The following PTPRD variants were observed in gnomAD, a reference collection of about 807,000 sequenced individuals.
PTPRD encodes protein tyrosine phosphatase receptor type D, also known as receptor-type tyrosine-protein phosphatase delta.
In PTPRD, 34 loss-of-function variants were observed where a neutral mutation model predicts 214.5. The observed-to-expected ratio is 0.16, with a 90% CI of 0.12 to 0.21. The LOEUF (loss-of-function observed/expected upper bound fraction) is 0.21. Among genes scored for constraint, PTPRD ranks in the 10% least tolerant of loss-of-function variants. The pLI is 1.00. For missense variants in PTPRD, 2,545 were observed against 2,398.7 expected (o/e 1.06, Z -1.27); for synonymous variants, 1,128 against 845.7 (o/e 1.33, Z -5.79).
chr9:9,774,843 G>C (rs758362917), intron 5 of PTPRD, among the ~76,000 whole-genome samples: 3 of 152,152 alleles, frequency 2.0e-5, no homozygotes, highest in African/African-American at 4.8e-5. Context: ...AGGGTTAATC[G>C]TTATATTCTT....
At chr9:9,996,904 T>C (rs1378176298) in intron 4 of PTPRD, among the ~76,000 whole-genome samples, 1 of 152,194 alleles carries the variant, frequency 6.6e-6, no homozygotes, top group Non-Finnish European at 1.5e-5. Context: ...TATATTAGAT[T>C]AAATATCCAG....
At chr9:10,299,559 A>G (rs2095798144) in intron 3 of PTPRD, among the ~76,000 whole-genome samples, 1 of 152,120 alleles carries the variant, frequency 6.6e-6, no homozygotes, top group South Asian at 2.1e-4. Flanking sequence ...AGGGAAGAAT[A>G]CTCACTTCCT....
At chr9:10,068,062 C>G (rs2097916378) in intron 3 of PTPRD, among the ~76,000 whole-genome samples, 2 of 151,902 alleles carry the variant, frequency 1.3e-5, no homozygotes, top group South Asian at 2.1e-4. Context: ...CTAGGTCTTC[C>G]AGTTCTGGTA....
intron 10 of PTPRD, among the ~76,000 whole-genome samples, chr9:9,031,826 A>C (rs72692878): frequency 0.018 from 2,757 of 152,138 alleles, 48 homozygotes; most frequent in Middle Eastern, 0.041. Context: ...TAAATGGGAC[A>C]CGGCTTCCTG....
At chr9:9,999,656 G>A (rs2096261034) in intron 4 of PTPRD, among the ~76,000 whole-genome samples, 2 of 152,166 alleles carry the variant, frequency 1.3e-5, no homozygotes, top group African/African-American at 2.4e-5. Flanking sequence ...TGACACCCAC[G>A]ATGTGGAATT....
chr9:9,715,335 ATGTT>A (rs1286631026), intron 7 of PTPRD, among the ~76,000 whole-genome samples: 1 of 152,124 alleles, frequency 6.6e-6, no homozygotes, highest in East Asian at 1.9e-4. Context: ...TGCTCTGTAA[ATGTT>A]TGTTGAATTG....
intron 11 of PTPRD, among the ~76,000 whole-genome samples, chr9:8,788,306 G>A (rs570640858): frequency 2.7e-5 from 3 of 110,548 alleles, no homozygotes; most frequent in Non-Finnish European, 3.3e-5. Flanking sequence ...ATGGAGTTTC[G>A]CTTTTGTCGC....
chr9:9,621,245 AGT>A (rs370296618), intron 7 of PTPRD, among the ~76,000 whole-genome samples: 54 of 152,314 alleles, frequency 3.5e-4, no homozygotes, highest in African/African-American at 1.2e-3. Flanking sequence ...ATTATCTAAC[AGT>A]GGATATTAGA....
At chr9:9,123,997 T>C (rs937485026) in intron 10 of PTPRD, among the ~76,000 whole-genome samples, 13 of 151,470 alleles carry the variant, frequency 8.6e-5, no homozygotes, top group Admixed American at 7.2e-4. Context: ...AGGCATATTG[T>C]CTAAAAGGTG....
At chr9:8,786,201 A>T (rs1431621368) in intron 11 of PTPRD, among the ~76,000 whole-genome samples, 52 of 152,110 alleles carry the variant, frequency 3.4e-4, no homozygotes, top group Admixed American at 3.4e-3. Flanking sequence ...AACGACTCAG[A>T]GATAATTGAA....
chr9:8,796,130 G>A (rs952437293), intron 11 of PTPRD, among the ~76,000 whole-genome samples: 1 of 152,040 alleles, frequency 6.6e-6, no homozygotes, highest in African/African-American at 2.4e-5. Flanking sequence ...AAATGCTATA[G>A]GCCAATAGAT....
chr9:9,367,664 G>A (rs888744853), intron 9 of PTPRD, among the ~76,000 whole-genome samples: 3 of 151,538 alleles, frequency 2.0e-5, no homozygotes, highest in Non-Finnish European at 3.0e-5. Flanking sequence ...ACAAATGGGA[G>A]CTGTTTCCAT....
intron 12 of PTPRD, among the ~76,000 whole-genome samples, chr9:8,712,601 C>G (rs10815925): frequency 0.4 from 61,264 of 151,952 alleles, 12,864 homozygotes; most frequent in African/African-American, 0.52. Flanking sequence ...AGCAATTTTA[C>G]AGGTAGTTCC....
chr9:10,439,419 G>C (rs2098744415), intron 2 of PTPRD, among the ~76,000 whole-genome samples: 1 of 151,582 alleles, frequency 6.6e-6, no homozygotes, highest in South Asian at 2.1e-4. Flanking sequence ...TTGTATTCAA[G>C]GAAAAAGTAC....
intron 5 of PTPRD, among the ~76,000 whole-genome samples, chr9:9,934,000 G>T (rs940971647): frequency 6.8e-6 from 1 of 147,486 alleles, no homozygotes; most frequent in East Asian, 2.0e-4. Flanking sequence ...ATGAAATGAA[G>T]GCAGAAATAA....
intron 9 of PTPRD, among the ~76,000 whole-genome samples, chr9:9,221,625 G>T (rs1175700612): frequency 1.3e-5 from 2 of 151,908 alleles, no homozygotes; most frequent in Non-Finnish European, 2.9e-5. Flanking sequence ...ATTTTCATAA[G>T]GACCCCAATC....
At position 8,334,368 on chromosome 9, in the gene PTPRD, C is replaced by G. The variant is rs111355140; in HGVS notation, c.5380-2632G>C. 8.4e-3 allele frequency among the ~76,000 whole-genome samples: 1,261 copies of G among 150,370 alleles called. 10 individuals carry two copies. The highest frequency in any genetic ancestry group is 0.027 in the East Asian group (135 of 4,996). ...ACCACAGTGCAATCAAATTAGAACT[C>G]AAGATTAAAAAAAAAACCACTCAAA... is the stretch of plus-strand genomic sequence containing the variant. On this transcript the variant is annotated intron_variant, in intron 43 of 45. Coordinates refer to ENST00000381196, the MANE Select transcript of PTPRD (RefSeq NM_002839.4).
At chr9:8,392,734 C>T (rs961924839) in intron 36 of PTPRD, among the ~76,000 whole-genome samples, 3 of 152,082 alleles carry the variant, frequency 2.0e-5, no homozygotes, top group Non-Finnish European at 2.9e-5. Context: ...GGTGAAAAGA[C>T]ATTTCAGGTA....
chr9:8,691,186 T>C (rs973672032), intron 12 of PTPRD, among the ~76,000 whole-genome samples: 2 of 152,058 alleles, frequency 1.3e-5, no homozygotes, highest in African/African-American at 2.4e-5. Flanking sequence ...AAATATGTAC[T>C]AACTCATTTG....
Sources: gnomAD v4.1 joint callset for allele counts (sites outside exome capture counted in the v4.1 genomes callset) on GRCh38, gnomAD v4.1.1 for gene constraint, MANE v1.5 for transcripts, NCBI Gene and HGNC (gene_info 2026-07-23, HGNC 2026-07-21) for gene names.